MAD1L1: variants seen among roughly 807,000 people sequenced by gnomAD.
The protein encoded by MAD1L1 is mitotic spindle assembly checkpoint protein MAD1.
MAD1L1 carries 95 observed loss-of-function variants against 96.9 expected under a neutral mutation model. The ratio of observed to expected loss-of-function variants is 0.98; its 90% CI spans 0.83 to 1.16. MAD1L1 has a LOEUF of 1.16. Among genes scored for constraint, MAD1L1 ranks in the 50% most tolerant of loss-of-function variants. The pLI is 0.00. For missense variants in MAD1L1, 1,007 were observed against 954.4 expected (o/e 1.06, Z -0.73); for synonymous variants, 473 against 396.6 (o/e 1.19, Z -2.29).
intron 9 of MAD1L1, 111 bp from the exon 10 acceptor site, chr7:2,213,384 C>T (rs376472711): frequency 2.3e-5 from 23 of 991,374 alleles, no homozygotes; most frequent in Middle Eastern, 2.0e-4. Flanking sequence ...GGAGAGCCTG[C>T]CCTCATCTCT....
intron 12 of MAD1L1, among the ~76,000 whole-genome samples, chr7:2,051,384 C>A (rs1228658255): frequency 4.6e-5 from 7 of 152,194 alleles, no homozygotes; most frequent in African/African-American, 7.2e-5. Flanking sequence ...CCATAACCCA[C>A]GTGGTGCTGT....
chr7:1,871,214 ACCTGCCACGCTGAACCCAACATACG>A (rs1785070067), intron 18 of MAD1L1, among the ~76,000 whole-genome samples: 3 of 122,712 alleles, frequency 2.4e-5, no homozygotes, highest in African/African-American at 9.7e-5. Flanking sequence ...CCACCGTAAC[ACCTGCCACGCTGAACCCAACATACG>A]CCTGCCACGC....
chr7:2,111,483 G>A (rs1186228455), intron 11 of MAD1L1, among the ~76,000 whole-genome samples: 1 of 152,230 alleles, frequency 6.6e-6, no homozygotes, highest in Non-Finnish European at 1.5e-5. Flanking sequence ...GAAAAAGGAG[G>A]AAGGGAGGAA....
chr7:1,961,424 TAGG>T (rs1779946032), intron 15 of MAD1L1, among the ~76,000 whole-genome samples: 1 of 152,084 alleles, frequency 6.6e-6, no homozygotes. Context: ...AGTCCAGAAA[TAGG>T]AGCACAAACA....
intron 11 of MAD1L1, among the ~76,000 whole-genome samples, chr7:2,082,880 C>T (rs1785724067): frequency 1.3e-5 from 2 of 152,248 alleles, no homozygotes; most frequent in African/African-American, 2.4e-5. Flanking sequence ...GAAGCACATT[C>T]GGCCTGTTTA....
At chr7:1,858,081 G>A (rs1784345660) in intron 18 of MAD1L1, among the ~76,000 whole-genome samples, 1 of 152,246 alleles carries the variant, frequency 6.6e-6, no homozygotes, top group African/African-American at 2.4e-5. Flanking sequence ...CCATGTGACT[G>A]CTTTTTTTTA....
In MAD1L1 at chr7:1,951,762, G is replaced by A. The variant is rs115645673; in HGVS notation, c.1596+5867C>T. 8.3e-3 allele frequency among the ~76,000 whole-genome samples: 1,263 copies of A among 152,174 alleles called. 14 individuals carry two copies. Among genetic ancestry groups the A allele is most frequent in the African/African-American group, 0.029 (1,220 of 41,498 alleles). On this transcript the variant is annotated intron_variant, in intron 16 of 18. Transcript: ENST00000265854. ...GTCCATCCATGCTGCGGCAGGTGTC[G>A]GGACGCGCCTCCTCCTTGAGGCTGT... is the stretch of plus-strand genomic sequence containing the variant.
At chr7:2,006,024 A>G (rs1782015547) in intron 13 of MAD1L1, among the ~76,000 whole-genome samples, 1 of 151,876 alleles carries the variant, frequency 6.6e-6, no homozygotes, top group Non-Finnish European at 1.5e-5. Flanking sequence ...GGGCATGGAG[A>G]TGGGGGAGCG....
At chr7:2,118,632 C>T (rs1001305747) in intron 11 of MAD1L1, among the ~76,000 whole-genome samples, 6 of 152,320 alleles carry the variant, frequency 3.9e-5, no homozygotes, top group Non-Finnish European at 2.9e-5. Context: ...GGGCAGGTGA[C>T]GGAAGTGAAG....
At chr7:1,889,926 C>G (rs909792090) in intron 18 of MAD1L1, among the ~76,000 whole-genome samples, 1 of 152,248 alleles carries the variant, frequency 6.6e-6, no homozygotes, top group African/African-American at 2.4e-5. Context: ...GCCACAGCAA[C>G]AGCTGGGCTC....
chr7:1,849,000 C>T (rs546888353), intron 18 of MAD1L1: 6 of 153,676 alleles, frequency 3.9e-5, no homozygotes, highest in Middle Eastern at 5.2e-4. Context: ...GGCACAGAGG[C>T]GACGGCATGT....
At chr7:1,992,866 G>A (rs1479693754) in intron 14 of MAD1L1, among the ~76,000 whole-genome samples, 1 of 152,044 alleles carries the variant, frequency 6.6e-6, no homozygotes, top group Admixed American at 6.6e-5. Flanking sequence ...CACCATTGTG[G>A]GCCTGGGGCC....
Position 1,954,533 on chromosome 7 carries a change from G to A in MAD1L1, c.1596+3096C>T, listed in dbSNP as rs577283808. 7.0e-4 allele frequency among the ~76,000 whole-genome samples: 107 copies of A among 152,288 alleles called. 1 individual carries two copies. Among genetic ancestry groups the A allele is most frequent in the African/African-American group, 2.4e-3 (101 of 41,556 alleles). ...GACAGGGGTGGGGCAGGAGGCCGTGGCTGCAGGTGGGGTCAGGGACTGTGC... is the reference window on the plus strand; with the variant it reads ...GACAGGGGTGGGGCAGGAGGCCGTGACTGCAGGTGGGGTCAGGGACTGTGC... On this transcript the variant is annotated intron_variant, in intron 16 of 18. Coordinates refer to ENST00000265854, the MANE Select transcript of MAD1L1 (RefSeq NM_001013836.2).
intron 18 of MAD1L1, among the ~76,000 whole-genome samples, chr7:1,825,426 G>A (rs1433627616): frequency 5.3e-5 from 8 of 152,250 alleles, no homozygotes; most frequent in Non-Finnish European, 8.8e-5. Context: ...GGGTCACAGC[G>A]TGAGCCCAGC....
chr7:1,861,464 T>C (rs1228489068), intron 18 of MAD1L1, among the ~76,000 whole-genome samples: 1 of 116,006 alleles, frequency 8.6e-6, no homozygotes, highest in Non-Finnish European at 1.8e-5. Context: ...GGGACACTGC[T>C]CCGCCTGCCC....
chr7:2,217,389 G>A (rs1584575718), intron 7 of MAD1L1, among the ~76,000 whole-genome samples: 1 of 152,232 alleles, frequency 6.6e-6, no homozygotes, highest in South Asian at 2.1e-4. Context: ...GAGCGGACAT[G>A]GCAGAGGCCA....
intron 11 of MAD1L1, among the ~76,000 whole-genome samples, chr7:2,105,140 C>A (rs1218733212): frequency 3.0e-4 from 46 of 152,078 alleles, no homozygotes; most frequent in Non-Finnish European, 4.3e-4. Flanking sequence ...CCCGGGAGAG[C>A]CTCACTCTCT....
chr7:2,211,678 G>A (rs1246828626), intron 10 of MAD1L1, among the ~76,000 whole-genome samples: 5 of 152,216 alleles, frequency 3.3e-5, no homozygotes, highest in Non-Finnish European at 7.3e-5. Flanking sequence ...AGAAGTCTGT[G>A]TTCTACAGGG....
intron 18 of MAD1L1, among the ~76,000 whole-genome samples, chr7:1,882,587 G>A (rs986274534): frequency 5.9e-5 from 9 of 152,198 alleles, no homozygotes; most frequent in South Asian, 2.1e-4. Flanking sequence ...AGCAACACCC[G>A]TGGCCACAGG....
Sources: gnomAD v4.1 joint callset for allele counts (sites outside exome capture counted in the v4.1 genomes callset) on GRCh38, gnomAD v4.1.1 for gene constraint, MANE v1.5 for transcripts, NCBI Gene and HGNC (gene_info 2026-07-23, HGNC 2026-07-21) for gene names.